SH3RF3: variants seen among roughly 807,000 people sequenced by gnomAD.
SH3RF3 encodes E3 ubiquitin-protein ligase SH3RF3.
A neutral mutation model predicts 66.3 loss-of-function variants in SH3RF3; 29 were observed. The observed-to-expected ratio is 0.44, with a 90% CI of 0.33 to 0.60. The LOEUF is 0.60. SH3RF3 is among the 20% of genes least tolerant of loss of function. The pLI is 0.04. For missense variants in SH3RF3, 1,194 were observed against 1,190.9 expected, an observed-to-expected ratio of 1.00 and a Z score of -0.04; for synonymous variants, 583 against 532.0, an observed-to-expected ratio of 1.10 and a Z score of -1.32.
intron 1 of SH3RF3, among the ~76,000 whole-genome samples, chr2:109,242,413 A>C (rs1679806532): frequency 6.6e-6 from 1 of 152,082 alleles, no homozygotes; most frequent in Admixed American, 6.5e-5. Flanking sequence ...ACACCCATAG[A>C]GCAGCCCGTG....
intron 1 of SH3RF3, among the ~76,000 whole-genome samples, chr2:109,283,652 A>C (rs933062336): frequency 6.6e-6 from 1 of 152,224 alleles, no homozygotes; most frequent in African/African-American, 2.4e-5. Flanking sequence ...GATTCAGTGC[A>C]CATGGGGACC....
rs1030965562 is a variant in SH3RF3, at chr2:109,227,020, A to G, written c.573+96907A>G. 1.1e-4 allele frequency among the ~76,000 whole-genome samples: 17 copies of G among 152,150 alleles called. No individual in the cohort carries two copies. The East Asian group carries it at 1.6e-3, about 14-fold the overall frequency. On this transcript the variant is annotated intron_variant, in intron 1 of 9. Transcript: ENST00000309415. Reference sequence around the variant, plus strand: ...GCTCTGGGTCCCACCAAGCTTTTCCATGGTGGCCTAGCAGCTCCACTGTCC... The same window carrying G: ...GCTCTGGGTCCCACCAAGCTTTTCCGTGGTGGCCTAGCAGCTCCACTGTCC...
At chr2:109,463,378 C>G (rs911131461) in intron 8 of SH3RF3, among the ~76,000 whole-genome samples, 8 of 152,252 alleles carry the variant, frequency 5.3e-5, no homozygotes, top group Non-Finnish European at 1.2e-4. Flanking sequence ...GCCCTGCCCC[C>G]CTTGCTCTGG....
Position 109,432,478 on chromosome 2 carries a change from C to G in SH3RF3, c.1404-23C>G, listed in dbSNP as rs1440954071. The G allele has an allele frequency of 3.7e-6, 6 of 1,611,958 alleles. No individual in the cohort carries two copies. In the East Asian group the frequency reaches 6.7e-5, roughly 18 times the overall value. On this transcript the variant is annotated intron_variant, in intron 5 of 9. Coordinates refer to ENST00000309415, the MANE Select transcript of SH3RF3 (RefSeq NM_001099289.3). Reference sequence around the variant, plus strand: ...ATCCCCAGGAGGGCTCCCACTGACACTGGCCCCATGCTTTGCCCGCAGGTA... The same window carrying G: ...ATCCCCAGGAGGGCTCCCACTGACAGTGGCCCCATGCTTTGCCCGCAGGTA...
chr2:109,273,367 G>A (rs895093690), intron 1 of SH3RF3, among the ~76,000 whole-genome samples: 16 of 152,218 alleles, frequency 1.1e-4, no homozygotes, highest in African/African-American at 3.6e-4. Flanking sequence ...GCTCCATTGA[G>A]CCTTAACGCA....
At chr2:109,325,017 C>A (rs992255273) in intron 1 of SH3RF3, among the ~76,000 whole-genome samples, 1 of 150,482 alleles carries the variant, frequency 6.6e-6, no homozygotes, top group East Asian at 1.9e-4. Flanking sequence ...CTTTGGCTTG[C>A]GTAAGAGATG....
chr2:109,377,416 G>A (rs1399499589), intron 3 of SH3RF3, among the ~76,000 whole-genome samples: 1 of 152,166 alleles, frequency 6.6e-6, no homozygotes, highest in Non-Finnish European at 1.5e-5. Flanking sequence ...GTCAGTGGCT[G>A]TGGTAGGATA....
intron 1 of SH3RF3, among the ~76,000 whole-genome samples, chr2:109,140,673 G>T (rs953462287): frequency 3.3e-5 from 5 of 152,158 alleles, no homozygotes; most frequent in Non-Finnish European, 7.3e-5. Flanking sequence ...GAGCCACCAT[G>T]CCCGGCCAAT....
intron 3 of SH3RF3, among the ~76,000 whole-genome samples, chr2:109,390,005 C>T (rs1559056965): frequency 6.6e-6 from 1 of 152,136 alleles, no homozygotes; most frequent in Non-Finnish European, 1.5e-5. Flanking sequence ...GCAGAAGCGC[C>T]CTGGGAAATT....
intron 9 of SH3RF3, among the ~76,000 whole-genome samples, chr2:109,499,760 G>C (rs115822273): frequency 6.6e-6 from 1 of 152,150 alleles, no homozygotes; most frequent in African/African-American, 2.4e-5. Flanking sequence ...AGAGCAGGGG[G>C]GTGTGTGTGT....
chr2:109,349,763 G>A (rs1315907866), intron 2 of SH3RF3, among the ~76,000 whole-genome samples: 1 of 152,226 alleles, frequency 6.6e-6, no homozygotes, highest in African/African-American at 2.4e-5. Flanking sequence ...CTCTGGGTAG[G>A]CCTGCTTCTC....
intron 8 of SH3RF3, among the ~76,000 whole-genome samples, chr2:109,460,952 G>A (rs188575773): frequency 4.6e-5 from 7 of 152,344 alleles, no homozygotes; most frequent in Admixed American, 4.6e-4. Flanking sequence ...TTCAGGTGGT[G>A]CCTGCATATG....
intron 1 of SH3RF3, among the ~76,000 whole-genome samples, chr2:109,212,299 C>T (rs1053302490): frequency 1.3e-5 from 2 of 152,118 alleles, no homozygotes; most frequent in Non-Finnish European, 2.9e-5. Flanking sequence ...TCAGTTGGCT[C>T]GCTATGGAGG....
chr2:109,311,678 G>C (rs1271503141), intron 1 of SH3RF3, among the ~76,000 whole-genome samples: 1 of 152,212 alleles, frequency 6.6e-6, no homozygotes, highest in Non-Finnish European at 1.5e-5. Context: ...CCAGTCTGTG[G>C]ACATGCCTTT....
intron 1 of SH3RF3, among the ~76,000 whole-genome samples, chr2:109,290,497 A>G (rs1010695174): frequency 5.3e-5 from 8 of 152,092 alleles, no homozygotes; most frequent in African/African-American, 1.4e-4. Context: ...CCCAACTTCT[A>G]TTTTCCTCAC....
At chr2:109,182,094 A>T (rs1367589740) in intron 1 of SH3RF3, among the ~76,000 whole-genome samples, 1 of 152,180 alleles carries the variant, frequency 6.6e-6, no homozygotes, top group Admixed American at 6.5e-5. Context: ...TAATTGCTTC[A>T]CCTGTTGAAG....
intron 8 of SH3RF3, among the ~76,000 whole-genome samples, chr2:109,459,475 G>C (rs976851312): frequency 4.6e-5 from 7 of 152,116 alleles, no homozygotes; most frequent in African/African-American, 1.7e-4. Flanking sequence ...TGTCTGGATT[G>C]GGTGGTTATA....
At chr2:109,339,694 C>T (rs80307994) in intron 1 of SH3RF3, among the ~76,000 whole-genome samples, 4,515 of 152,320 alleles carry the variant, frequency 0.03, 81 homozygotes, top group Non-Finnish European at 0.041. Context: ...TGCTCAAGTA[C>T]TCCTCTAAGT....
intron 8 of SH3RF3, among the ~76,000 whole-genome samples, chr2:109,479,477 C>T (rs1678776294): frequency 6.6e-6 from 1 of 152,130 alleles, no homozygotes; most frequent in Admixed American, 6.5e-5. Flanking sequence ...CGGTTTGGTA[C>T]TTTTTAATTA....
Sources: allele counts gnomAD v4.1 joint callset (sites outside exome capture counted in the v4.1 genomes callset), GRCh38; gene constraint gnomAD v4.1.1; transcripts MANE v1.5; gene names NCBI Gene and HGNC (gene_info 2026-07-23, HGNC 2026-07-21).